FNDC1: variants seen among roughly 807,000 people sequenced by gnomAD.
FNDC1 encodes the protein fibronectin type III domain containing 1, also known as fibronectin type III domain-containing protein 1.
In FNDC1, 96 loss-of-function variants were observed where a neutral mutation model predicts 168.0. The ratio of observed to expected loss-of-function variants is 0.57; its 90% CI spans 0.48 to 0.68. The LOEUF is 0.68. Ranked by LOEUF, FNDC1 falls within the 30% of genes least tolerant of loss-of-function variation. The pLI, the probability that FNDC1 is intolerant of heterozygous loss-of-function variation, is 0.00. For missense variants in FNDC1, 2,587 were observed against 2,482.1 expected, an observed-to-expected ratio of 1.04 and a Z score of -0.90; for synonymous variants, 1,099 against 1,025.9, an observed-to-expected ratio of 1.07 and a Z score of -1.36.
chr6:159,265,237 G>A (rs920181868), intron 20 of FNDC1, among the ~76,000 whole-genome samples: 1 of 152,136 alleles, frequency 6.6e-6, no homozygotes, highest in Non-Finnish European at 1.5e-5. Context: ...AAACACTATG[G>A]AGTAGCCAGT....
At chr6:159,195,661 G>T (rs891904129) in intron 1 of FNDC1, among the ~76,000 whole-genome samples, 9 of 152,106 alleles carry the variant, frequency 5.9e-5, no homozygotes, top group African/African-American at 2.2e-4. Context: ...GCAAGGTATC[G>T]CAGAGAAGAA....
intron 1 of FNDC1, among the ~76,000 whole-genome samples, chr6:159,171,961 G>A (rs1781670905): frequency 1.3e-5 from 2 of 152,184 alleles, no homozygotes. Context: ...GGGTGCAAAA[G>A]CTTGATGGGT....
chr6:159,223,449 A>G (rs1782879782), intron 6 of FNDC1, 79 bp from the exon 7 acceptor site: 1 of 745,500 alleles, frequency 1.3e-6, no homozygotes, highest in Admixed American at 2.8e-5. Context: ...GGTGAATAAT[A>G]GCCTGTCAAG....
chr6:159,230,329 C>G (rs485368), intron 10 of FNDC1, among the ~76,000 whole-genome samples: 58,358 of 151,992 alleles, frequency 0.38, 14,320 homozygotes, highest in East Asian at 0.73. Flanking sequence ...TGACATTTTT[C>G]ATTGTCAGCT....
At chr6:159,226,163 G>A (rs997587421) in intron 8 of FNDC1, among the ~76,000 whole-genome samples, 1 of 152,116 alleles carries the variant, frequency 6.6e-6, no homozygotes, top group Admixed American at 6.5e-5. Flanking sequence ...GTCTTTCAAA[G>A]TTTCATTAAG....
At chr6:159,216,760 A>T (rs1782717854) in intron 5 of FNDC1, among the ~76,000 whole-genome samples, 1 of 152,232 alleles carries the variant, frequency 6.6e-6, no homozygotes, top group African/African-American at 2.4e-5. Flanking sequence ...TATGTTCTCC[A>T]GCTTGCTTCT....
At chr6:159,221,840 G>GT (rs1782831772) in intron 6 of FNDC1, 144 bp downstream of exon 6, 1 of 688,056 alleles carries the variant, frequency 1.5e-6, no homozygotes, top group African/African-American at 1.8e-5. Flanking sequence ...CACATTTTGG[G>GT]TGTAAGCGTG....
intron 5 of FNDC1, 123 bp downstream of exon 5, chr6:159,215,274 A>G (rs964339416): frequency 1.2e-6 from 1 of 854,730 alleles, no homozygotes. Flanking sequence ...CAGATGTTAC[A>G]ATGATTTGAA....
At chr6:159,249,304 A>C in intron 16 of FNDC1, 122 bp downstream of exon 16, 1 of 894,904 alleles carries the variant, frequency 1.1e-6, no homozygotes, top group Non-Finnish European at 1.7e-6. Context: ...TCCAGAATGA[A>C]GTTTCCACTG....
Position 159,232,708 on chromosome 6 carries a change from C to A in FNDC1, c.2196C>A (p.Thr732=), listed in dbSNP as rs1194792922. Residue 732 remains threonine (T), a synonymous_variant, in exon 11 of 23, where the codon ACC becomes ACA. Transcript: ENST00000297267. This position sits in a 1 kb window ranked among gnomAD's most constrained non-coding sequence, Gnocchi z 4.9. ...PHGGSSRLLP[T]QPHLSSPLSK... The stretch of plus-strand genomic sequence containing the variant: ...GGGGATCATCTCGGCTGCTGCCCAC[C>A]CAGCCACACCTGAGCTCTCCACTTT... 2 of 1,613,948 alleles carry A rather than the reference C, an allele frequency of 1.2e-6. No individual in the cohort carries two copies. Among genetic ancestry groups the A allele is most frequent in the Non-Finnish European group, 1.7e-6 (2 of 1,179,884 alleles).
rs1346688504 is a variant in FNDC1 at position 159,215,000 on chromosome 6, G to A, written c.516G>A (p.Arg172=). 5 of 1,614,038 alleles carry A rather than the reference G, an allele frequency of 3.1e-6. No homozygotes were observed. The South Asian group carries it at 5.5e-5, about 18-fold the overall frequency. Residue 172 remains arginine (R), a synonymous_variant, in exon 5 of 23, where the codon AGG becomes AGA. Transcript: ENST00000297267. ...TGCGTGTCCGGTCCTCAGATGACAG[G>A]CTGTCCGTTGCGTGGAAGGCACCAC... ...LRVRVRSSDD[R]LSVAWKAPRL...
intron 12 of FNDC1, among the ~76,000 whole-genome samples, chr6:159,237,287 TGA>T (rs1232533705): frequency 6.6e-6 from 1 of 152,222 alleles, no homozygotes; most frequent in Admixed American, 6.5e-5. Flanking sequence ...TCCAGTAGCC[TGA>T]GTGTCTAAAG....
intron 20 of FNDC1, 84 bp from the exon 21 acceptor site, chr6:159,266,000 A>G: frequency 7.0e-7 from 1 of 1,426,330 alleles, no homozygotes. Context: ...AGGCCCAGGA[A>G]GTCAGTGCAA....
intron 4 of FNDC1, 56 bp from the exon 5 acceptor site, chr6:159,214,889 T>C: frequency 2.6e-6 from 4 of 1,529,986 alleles, no homozygotes; most frequent in Non-Finnish European, 3.6e-6. Flanking sequence ...ATGTGCATGA[T>C]GGCAAACTCT....
chr6:159,181,763 C>T lies in FNDC1; in HGVS notation c.109+12058C>T, dbSNP rs546911331. Among the ~76,000 whole-genome samples, 213 of 152,120 alleles carry T rather than the reference C, an allele frequency of 1.4e-3. 2 individuals carry two copies. The highest frequency in any genetic ancestry group is 1.7e-3 in the Non-Finnish European group (113 of 67,988). On this transcript the variant is annotated intron_variant, in intron 1 of 22. Transcript: ENST00000297267. ...CCTATTCTGTAAAATTTGGAATGTG[C>T]CTTTCTCTTTTTTTCTGTCTAGATT... is the stretch of plus-strand genomic sequence containing the variant.
intron 4 of FNDC1, among the ~76,000 whole-genome samples, chr6:159,207,296 C>T (rs1379157522): frequency 6.6e-6 from 1 of 152,078 alleles, no homozygotes; most frequent in Non-Finnish European, 1.5e-5. Context: ...GGCTGATGAG[C>T]GACTGTTCCG....
chr6:159,220,151 AT>A (rs1782790696), intron 5 of FNDC1, among the ~76,000 whole-genome samples: 1 of 152,188 alleles, frequency 6.6e-6, no homozygotes, highest in Non-Finnish European at 1.5e-5. Context: ...GCTGTCAAAT[AT>A]TATCCTCTTC....
Position 159,232,456 on chromosome 6 carries a change from C to T in FNDC1, c.1944C>T (p.Asp648=). The T allele has an allele frequency of 1.2e-6, 2 of 1,611,948 alleles. No individual in the cohort carries two copies. Among genetic ancestry groups the T allele is most frequent in the Non-Finnish European group, 1.7e-6 (2 of 1,178,738 alleles). Reference sequence around the variant, plus strand: ...ATGACAACGACTTGGTGGACTCAGACGAAGATGAGCGCGCTGTGGGCTCCC... The same window carrying T: ...ATGACAACGACTTGGTGGACTCAGATGAAGATGAGCGCGCTGTGGGCTCCC... ...SLNDNDLVDS[D]EDERAVGSLH... Residue 648 remains aspartate (D), a synonymous_variant, in exon 11 of 23, where the codon GAC becomes GAT. Transcript: ENST00000297267. The surrounding 1 kb of genome is among the most constrained non-coding windows in gnomAD (Gnocchi z 4.9).
chr6:159,212,475 G>T (rs1782625909), intron 4 of FNDC1, among the ~76,000 whole-genome samples: 1 of 152,064 alleles, frequency 6.6e-6, no homozygotes. Context: ...ATCTATCAAA[G>T]ATGTTTGATG....
Sources: gnomAD v4.1 joint callset for allele counts (sites outside exome capture counted in the v4.1 genomes callset) on GRCh38, gnomAD v4.1.1 for gene constraint, Gnocchi (gnomAD v3.1) non-coding constraint, MANE v1.5 for transcripts, NCBI Gene and HGNC (gene_info 2026-07-23, HGNC 2026-07-21) for gene names.